LNPK: variants seen among roughly 807,000 people sequenced by gnomAD.
LNPK encodes the protein endoplasmic reticulum junction formation protein lunapark.
In LNPK, 29 loss-of-function variants were observed where a neutral mutation model predicts 55.2. That is an observed-to-expected ratio of 0.53 (90% CI 0.39 to 0.72). The LOEUF (loss-of-function observed/expected upper bound fraction) is 0.72. LNPK is among the 30% of genes least tolerant of loss of function. The pLI, the probability that LNPK is intolerant of heterozygous loss-of-function variation, is 0.00. For synonymous variants in LNPK, 162 were observed against 168.2 expected (o/e 0.96, Z 0.29); for missense variants, 467 against 494.8 (o/e 0.94, Z 0.53).
At position 175,992,243 on chromosome 2, in the gene LNPK, G is replaced by A. The variant is rs1198591881; in HGVS notation, c.245C>T (p.Ala82Val). ...ATAATTTACTTACATCAATGGAAAA[G>A]CAAAAAATGGGAGTGTCATGGCAAG... ...ARLAMTLPFF[A>V]FPLIIWSIRT... Residue 82 changes from alanine to valine, a missense_variant, in exon 4 of 13, where the codon GCT becomes GTT. Ala to Val is a moderately conservative substitution (Grantham distance 64). Coordinates refer to ENST00000272748, the MANE Select transcript of LNPK (RefSeq NM_030650.3). 6.4e-7 allele frequency: 1 copy of A among 1,554,106 alleles called. No homozygotes were observed. The highest frequency in any genetic ancestry group is 8.6e-7 in the Non-Finnish European group (1 of 1,160,750).
chr2:175,936,239 G>C (rs1016284934), intron 12 of LNPK, among the ~76,000 whole-genome samples: 6 of 151,968 alleles, frequency 3.9e-5, no homozygotes, highest in African/African-American at 1.5e-4. Context: ...AATTCACTTT[G>C]ATATTTGTTA....
intron 1 of LNPK, among the ~76,000 whole-genome samples, chr2:176,001,262 C>A (rs1025909801): frequency 3.3e-5 from 5 of 152,052 alleles, no homozygotes; most frequent in African/African-American, 4.8e-5. Context: ...CCCACCAAAC[C>A]GCTGTTGAAT....
chr2:175,977,717 G>A (rs1450783954), intron 5 of LNPK, among the ~76,000 whole-genome samples: 1 of 152,088 alleles, frequency 6.6e-6, no homozygotes, highest in Non-Finnish European at 1.5e-5. Context: ...AACAAATTAT[G>A]TTGAGAAGGA....
At chr2:175,964,124 A>T (rs1006023930) in intron 8 of LNPK, among the ~76,000 whole-genome samples, 2 of 152,208 alleles carry the variant, frequency 1.3e-5, no homozygotes, top group African/African-American at 4.8e-5. Context: ...TTAAATTTTA[A>T]AAGATTAAAA....
chr2:175,968,598 G>C (rs1418213326), intron 6 of LNPK, among the ~76,000 whole-genome samples: 1 of 152,048 alleles, frequency 6.6e-6, no homozygotes, highest in East Asian at 1.9e-4. Context: ...GAATTTTTTA[G>C]ATAACTAAAG....
At chr2:175,948,629 T>C (rs1192308650) in intron 8 of LNPK, among the ~76,000 whole-genome samples, 1 of 152,246 alleles carries the variant, frequency 6.6e-6, no homozygotes, top group Non-Finnish European at 1.5e-5. Flanking sequence ...TTATACTTTT[T>C]CAATTCTACC....
rs1197569704 is a variant in LNPK, at chr2:175,942,396, A to C, written c.707-2739T>G. Among the ~76,000 whole-genome samples the C allele has an allele frequency of 2.0e-5, 3 of 152,200 alleles. No homozygotes were observed. The East Asian group carries it at 5.8e-4, about 29-fold the overall frequency. The stretch of plus-strand genomic sequence containing the variant: ...GCCCATGACATATACATGTTCTTTC[A>C]AGTAAATATAAAACATTTACCAATA... On this transcript the variant is annotated intron_variant, in intron 9 of 12. Transcript: ENST00000272748.
At chr2:175,953,098 T>C (rs1315697917) in intron 8 of LNPK, among the ~76,000 whole-genome samples, 1 of 152,134 alleles carries the variant, frequency 6.6e-6, no homozygotes, top group East Asian at 1.9e-4. Context: ...CTCTGTGTTA[T>C]GCAACCTGTC....
chr2:175,959,968 C>A (rs1685922216), intron 8 of LNPK, among the ~76,000 whole-genome samples: 1 of 151,918 alleles, frequency 6.6e-6, no homozygotes, highest in South Asian at 2.1e-4. Context: ...ACAAAGAAGG[C>A]CATTACATAA....
At chr2:175,971,270 G>C (rs1310035036) in intron 5 of LNPK, among the ~76,000 whole-genome samples, 3 of 152,054 alleles carry the variant, frequency 2.0e-5, no homozygotes, top group African/African-American at 7.2e-5. Flanking sequence ...AAAAAACCTA[G>C]AAAATCTACC....
At chr2:175,956,951 T>G (rs767856985) in intron 8 of LNPK, among the ~76,000 whole-genome samples, 1 of 152,204 alleles carries the variant, frequency 6.6e-6, no homozygotes, top group African/African-American at 2.4e-5. Context: ...ATTAAATTTA[T>G]GACTATTCAT....
intron 8 of LNPK, among the ~76,000 whole-genome samples, chr2:175,954,840 A>G (rs1243905276): frequency 6.6e-6 from 1 of 152,238 alleles, no homozygotes. Context: ...AAGCACCAGC[A>G]TAAGCACATT....
intron 8 of LNPK, among the ~76,000 whole-genome samples, chr2:175,948,258 C>T (rs1418895709): frequency 1.3e-5 from 2 of 152,124 alleles, no homozygotes; most frequent in African/African-American, 4.8e-5. Flanking sequence ...CAGATCTACT[C>T]CATATAAACA....
At chr2:175,951,614 AG>A (rs1685423881) in intron 8 of LNPK, among the ~76,000 whole-genome samples, 1 of 80,794 alleles carries the variant, frequency 1.2e-5, no homozygotes, top group African/African-American at 6.7e-5. Flanking sequence ...TATATATCTC[AG>A]TTTCTTTATC....
chr2:175,970,953 A>T (rs1686631257), intron 5 of LNPK, 149 bp from the exon 6 acceptor site: 4 of 591,004 alleles, frequency 6.8e-6, no homozygotes, highest in Non-Finnish European at 1.1e-5. Context: ...AATTATCTCC[A>T]TCTTCACCCA....
chr2:175,931,940 TG>T (rs1684299384), intron 12 of LNPK: 1 of 281,142 alleles, frequency 3.6e-6, no homozygotes, highest in Non-Finnish European at 7.2e-6. Context: ...TTAAGCGTCA[TG>T]GTTTTCCACA....
chr2:175,995,605 G>T lies in LNPK; in HGVS notation c.-21C>A. The T allele has an allele frequency of 6.3e-7, 1 of 1,595,390 alleles. No individual in the cohort carries two copies. Among genetic ancestry groups the T allele is most frequent in the Non-Finnish European group, 8.6e-7 (1 of 1,164,586 alleles). Reference sequence around the variant, plus strand: ...CCCATCTTTTATTTGTAGAAACTGGGCACAATGATAAATATCATCAATTGT... The same window carrying T: ...CCCATCTTTTATTTGTAGAAACTGGTCACAATGATAAATATCATCAATTGT... On this transcript the variant is annotated 5_prime_UTR_variant, in exon 2 of 13. Transcript: ENST00000272748.
intron 8 of LNPK, among the ~76,000 whole-genome samples, chr2:175,951,686 C>T (rs1439367281): frequency 4.7e-5 from 7 of 149,746 alleles, no homozygotes; most frequent in Admixed American, 2.0e-4. Context: ...AATTGTGCTG[C>T]TATAAACATG....
intron 4 of LNPK, among the ~76,000 whole-genome samples, chr2:175,986,160 T>TC (rs1687400762): frequency 6.6e-6 from 1 of 152,172 alleles, no homozygotes; most frequent in Non-Finnish European, 1.5e-5. Flanking sequence ...AAGATCTATA[T>TC]AGCATAAGGT....
Sources: gnomAD v4.1 joint callset for allele counts (sites outside exome capture counted in the v4.1 genomes callset) on GRCh38, gnomAD v4.1.1 for gene constraint, MANE v1.5 for transcripts, NCBI Gene and HGNC (gene_info 2026-07-23, HGNC 2026-07-21) for gene names.